CRKL: variants seen among roughly 807,000 people sequenced by gnomAD.
The protein encoded by CRKL is CRK like proto-oncogene, adaptor protein.
A neutral mutation model predicts 23.0 loss-of-function variants in CRKL; 3 were observed. The ratio of observed to expected loss-of-function variants is 0.13; its 90% CI spans 0.06 to 0.34. The LOEUF is 0.34. CRKL is among the 10% of genes least tolerant of loss of function. The probability of loss-of-function intolerance (pLI) is 1.00; values close to 1 mark genes in which losing one functional copy is unlikely to be tolerated. For synonymous variants in CRKL, 188 were observed against 160.7 expected, an observed-to-expected ratio of 1.17 and a Z score of -1.28; for missense variants, 256 against 394.5, an observed-to-expected ratio of 0.65 and a Z score of 2.97.
chr22:20,933,718 T>C, intron 1 of CRKL, 61 bp from the exon 2 acceptor site: 1 of 1,369,500 alleles, frequency 7.3e-7, no homozygotes, highest in Non-Finnish European at 1.0e-6. Context: ...ATTAAGAAGT[T>C]TGACAGGCAC....
chr22:20,918,142 C>T lies in CRKL; in HGVS notation c.208C>T (p.Arg70Cys), dbSNP rs2147891856. 1 of 1,614,156 alleles carries T rather than the reference C, an allele frequency of 6.2e-7. No individual in the cohort carries two copies. The change falls in exon 1 of 3, where the codon CGT (arginine) becomes TGT (cysteine). Residue 70 changes from arginine to cysteine, a missense_variant. Arg to Cys is a radical substitution (Grantham distance 180). This residue lies in a region of CRKL where 85 missense variants were observed against 139.8 expected (regional missense o/e 0.61). Transcript: ENST00000354336. ...HYIINSLPNR[R>C]FKIGDQEFDH... Reference sequence around the variant, plus strand: ...CATCATCAACTCGCTGCCCAACCGCCGTTTTAAGATCGGGGACCAGGAATT... The same window carrying T: ...CATCATCAACTCGCTGCCCAACCGCTGTTTTAAGATCGGGGACCAGGAATT...
chr22:20,951,677 G>A lies in CRKL; in HGVS notation c.*1832G>A, dbSNP rs1922284097. The A allele has an allele frequency of 4.4e-6, 1 of 225,148 alleles. No individual in the cohort carries two copies. Among genetic ancestry groups the A allele is most frequent in the South Asian group, 1.8e-4 (1 of 5,456 alleles). 13.9% of individuals were successfully genotyped at this position (225,148 alleles called of 1,614,324 possible). On this transcript the variant is annotated 3_prime_UTR_variant, in exon 3 of 3. Transcript: ENST00000354336. ...CTGTCTGGAGGTTCCTAGGTTTTGA[G>A]ATTTAGAGCAATGCATTCTGGAGAC...
In CRKL at chr22:20,952,639, C is replaced by T. The variant is rs970928094; in HGVS notation, c.*2794C>T. On this transcript the variant is annotated 3_prime_UTR_variant, in exon 3 of 3. Transcript: ENST00000354336. ...GCTCCATAGAGCAGTGCACATCTGA[C>T]CCAGAGGGTGGGTGTTCATAACTGC... The T allele has an allele frequency of 4.3e-6, 1 of 232,588 alleles. No homozygotes were observed. Among genetic ancestry groups the T allele is most frequent in the Non-Finnish European group, 8.5e-6 (1 of 117,558 alleles). 14.4% of individuals were successfully genotyped at this position (232,588 alleles called of 1,614,324 possible).
intron 1 of CRKL, among the ~76,000 whole-genome samples, chr22:20,930,376 C>T (rs1179797600): frequency 6.6e-6 from 1 of 151,974 alleles, no homozygotes; most frequent in Non-Finnish European, 1.5e-5. Context: ...GCTTGGCTAT[C>T]TTCTTTTTTT....
Position 20,950,214 on chromosome 22 carries a change from T to C in CRKL, c.*369T>C, listed in dbSNP as rs114248326. 9 of 255,536 alleles carry C rather than the reference T, an allele frequency of 3.5e-5. No individual in the cohort carries two copies. Among genetic ancestry groups the C allele is most frequent in the African/African-American group, 1.7e-4 (8 of 45,980 alleles). The allele number at this position is 255,536 out of a possible 1,614,324, so 15.8% of individuals were successfully genotyped here. A position where few individuals can be genotyped will look rare whatever the true frequency, so the allele number is the denominator to read the frequency against. On this transcript the variant is annotated 3_prime_UTR_variant, in exon 3 of 3. Coordinates refer to ENST00000354336, the MANE Select transcript of CRKL (RefSeq NM_005207.4). ...AAAGCTTGAGGCCATGGCGAGATACTGCATGTTTGCTGTTCCACAAAGCAG... is the reference window on the plus strand; with the variant it reads ...AAAGCTTGAGGCCATGGCGAGATACCGCATGTTTGCTGTTCCACAAAGCAG...
At chr22:20,938,768 C>T (rs1921754018) in intron 2 of CRKL, among the ~76,000 whole-genome samples, 1 of 152,116 alleles carries the variant, frequency 6.6e-6, no homozygotes, top group Non-Finnish European at 1.5e-5. Flanking sequence ...GTACTTAACC[C>T]TGGGTACACA....
At position 20,941,588 on chromosome 22, in the gene CRKL, A is replaced by ATATTTTTT. The variant is rs1247116681; in HGVS notation, c.777+7345_777+7346insATTTTTTT. 7.2e-4 allele frequency among the ~76,000 whole-genome samples: 24 copies of ATATTTTTT among 33,536 alleles called. 2 individuals carry two copies. Among genetic ancestry groups the ATATTTTTT allele is most frequent in the African/African-American group, 1.2e-3 (10 of 8,262 alleles). 22.0% of individuals were successfully genotyped at this position (33,536 alleles called of 152,430 possible). ...TGTGTGTGTGTGTGTGTATATATATATTTTTTTTTTTTTTTTTTTTTTTTG... is the reference window on the plus strand; with the variant it reads ...TGTGTGTGTGTGTGTGTATATATATATATTTTTTTTTTTTTTTTTTTTTTTTTTTTTTG... On this transcript the variant is annotated intron_variant, in intron 2 of 2. Transcript: ENST00000354336.
chr22:20,946,717 T>C (rs5761470), intron 2 of CRKL, among the ~76,000 whole-genome samples: 125,243 of 150,272 alleles, frequency 0.83, 52,302 homozygotes, highest in East Asian at 0.92. Context: ...AGAGCACCCC[T>C]CCCTCCAAAA....
intron 1 of CRKL, among the ~76,000 whole-genome samples, chr22:20,924,873 G>A (rs1422845529): frequency 6.6e-6 from 1 of 150,978 alleles, no homozygotes; most frequent in Non-Finnish European, 1.5e-5. Flanking sequence ...GTCATGCTGA[G>A]AATGGAATCT....
At position 20,951,461 on chromosome 22, in the gene CRKL, G is replaced by T; in HGVS notation, c.*1616G>T. 4.4e-6 allele frequency: 1 copy of T among 228,896 alleles called. No homozygotes were observed. The highest frequency in any genetic ancestry group is 8.7e-6 in the Non-Finnish European group (1 of 115,362). 14.2% of individuals were successfully genotyped at this position (228,896 alleles called of 1,614,324 possible). A position where few individuals can be genotyped will look rare whatever the true frequency, so the allele number is the denominator to read the frequency against. On this transcript the variant is annotated 3_prime_UTR_variant, in exon 3 of 3. Coordinates refer to ENST00000354336, the MANE Select transcript of CRKL (RefSeq NM_005207.4). ...TTCATACAAGCCAACTGGTATATAC[G>T]TGTGGTTCATCCATCATCTGCTGCA...
At chr22:20,949,266 C>A (rs1372810908) in intron 2 of CRKL, among the ~76,000 whole-genome samples, 2 of 152,082 alleles carry the variant, frequency 1.3e-5, no homozygotes, top group African/African-American at 2.4e-5. Flanking sequence ...GTTGGGACTG[C>A]AGTCATGTAC....
rs1242176940 is a variant in CRKL, at chr22:20,950,442, C to G, written c.*597C>G. 3 of 230,630 alleles carry G rather than the reference C, an allele frequency of 1.3e-5. No homozygotes were observed. The highest frequency in any genetic ancestry group is 6.7e-5 in the African/African-American group (3 of 44,830). 14.3% of individuals were successfully genotyped at this position (230,630 alleles called of 1,614,324 possible). On this transcript the variant is annotated 3_prime_UTR_variant, in exon 3 of 3. Transcript: ENST00000354336. ...TTGTTTTGTTTTTTTGAGACGGTGT[C>G]TCGCTGCATCACCCAGGCTGGAGTG...
Position 20,951,545 on chromosome 22 carries a change from C to G in CRKL, c.*1700C>G, listed in dbSNP as rs976124723. The G allele has an allele frequency of 1.3e-5, 3 of 225,386 alleles. No individual in the cohort carries two copies. Among genetic ancestry groups the G allele is most frequent in the African/African-American group, 6.7e-5 (3 of 44,892 alleles). 14.0% of individuals were successfully genotyped at this position (225,386 alleles called of 1,614,324 possible). A position where few individuals can be genotyped will look rare whatever the true frequency, so the allele number is the denominator to read the frequency against. On this transcript the variant is annotated 3_prime_UTR_variant, in exon 3 of 3. Coordinates refer to ENST00000354336, the MANE Select transcript of CRKL (RefSeq NM_005207.4). ...ATTCAGTCTGCTCTCCCTTGTGGAC[C>G]CTGGTAAAGAAAAGCCTCAGCTCAT...
chr22:20,947,675 C>CCTTTTTT (rs1491297940), intron 2 of CRKL, among the ~76,000 whole-genome samples: 2 of 86,014 alleles, frequency 2.3e-5, no homozygotes, highest in African/African-American at 4.6e-5. Flanking sequence ...TTCTTTTTTT[C>CCTTTTTT]ATTTTTTTTT....
At position 20,951,210 on chromosome 22, in the gene CRKL, A is replaced by G. The variant is rs985019646; in HGVS notation, c.*1365A>G. The G allele has an allele frequency of 3.0e-5, 7 of 232,422 alleles. No individual in the cohort carries two copies. In the Admixed American group the frequency reaches 3.4e-4, roughly 11 times the overall value. 14.4% of individuals were successfully genotyped at this position (232,422 alleles called of 1,614,324 possible). A position where few individuals can be genotyped will look rare whatever the true frequency, so the allele number is the denominator to read the frequency against. ...GCCCAGACCTCCGTGCCCAGGCCCA[A>G]TCTCGTCAGGCTGCCAGAGAAAGTT... On this transcript the variant is annotated 3_prime_UTR_variant, in exon 3 of 3. Transcript: ENST00000354336.
chr22:20,949,777 C>A lies in CRKL; in HGVS notation c.844C>A (p.Arg282Ser), dbSNP rs1375676692. The A allele has an allele frequency of 1.9e-6, 3 of 1,612,742 alleles. No individual in the cohort carries two copies. Among genetic ancestry groups the A allele is most frequent in the Non-Finnish European group, 2.5e-6 (3 of 1,179,460 alleles). ...NGQWEGEVNG[R>S]KGLFPFTHVK... The stretch of plus-strand genomic sequence containing the variant: ...CCAGTGGGAAGGCGAAGTGAACGGG[C>A]GCAAAGGGCTTTTCCCCTTTACGCA... Residue 282 changes from arginine to serine, a missense_variant, in exon 3 of 3, where the codon CGC (arginine) becomes AGC (serine). Around this residue, in one of 3 missense-constraint regions of CRKL, gnomAD observed 129 missense variants for 222.1 expected, o/e 0.58. Transcript: ENST00000354336.
Position 20,934,106 on chromosome 22 carries a change from A to G in CRKL, c.639A>G (p.Thr213=), listed in dbSNP as rs1217498785. ...PAHAYAQPQT[T]TPLPAVSGSP... is the part of the protein sequence containing the mutation. ...ATGCATACGCTCAACCTCAGACCACAACTCCTCTACCTGCAGTTTCCGGTT... is the reference window on the plus strand; with the variant it reads ...ATGCATACGCTCAACCTCAGACCACGACTCCTCTACCTGCAGTTTCCGGTT... The change falls in exon 2 of 3, where the codon ACA becomes ACG. Residue 213 remains threonine (T), a synonymous_variant. Transcript: ENST00000354336. The G allele has an allele frequency of 6.2e-7, 1 of 1,614,192 alleles. No individual in the cohort carries two copies. Among genetic ancestry groups the G allele is most frequent in the Admixed American group, 1.7e-5 (1 of 60,016 alleles).
chr22:20,938,404 T>C (rs1247941658), intron 2 of CRKL, among the ~76,000 whole-genome samples: 6 of 152,202 alleles, frequency 3.9e-5, no homozygotes, highest in Non-Finnish European at 8.8e-5. Context: ...TTGGTATCTG[T>C]AAGGTGAGTA....
At chr22:20,922,006 C>CTT (rs66728040) in intron 1 of CRKL, among the ~76,000 whole-genome samples, 101 of 69,916 alleles carry the variant, frequency 1.4e-3, no homozygotes, top group African/African-American at 2.6e-3. Flanking sequence ...CTGCGCCCGG[C>CTT]TTTTTTTTTT....
Sources: allele counts gnomAD v4.1 joint callset (sites outside exome capture counted in the v4.1 genomes callset), GRCh38; gene constraint gnomAD v4.1.1; regional missense constraint gnomAD v4.1.1; transcripts MANE v1.5; gene names NCBI Gene and HGNC (gene_info 2026-07-23, HGNC 2026-07-21).